NDUFA7: variants seen among roughly 807,000 people sequenced by gnomAD.
NDUFA7 encodes the protein NADH dehydrogenase [ubiquinone] 1 alpha subcomplex subunit 7.
Under a neutral mutation model 14.2 loss-of-function variants are expected in NDUFA7, and 18 were observed. That is an observed-to-expected ratio of 1.27 (90% CI 0.88 to 1.88). The LOEUF is 1.88. Among genes scored for constraint, NDUFA7 ranks in the 40% most tolerant of loss-of-function variants. The pLI is 0.00. For missense variants in NDUFA7, 172 were observed against 147.3 expected (o/e 1.17, Z -0.87); for synonymous variants, 75 against 62.1 (o/e 1.21, Z -0.98).
downstream of NDUFA7, among the ~76,000 whole-genome samples, chr19:8,310,036 C>T (rs1970156463): frequency 6.6e-6 from 1 of 152,232 alleles, no homozygotes; most frequent in African/African-American, 2.4e-5. Context: ...TGTCCTCTGC[C>T]TTCCCCGTTG....
At position 8,320,899 on chromosome 19, in the gene NDUFA7, A is replaced by G; in HGVS notation, c.59T>C (p.Leu20Pro). 1.2e-6 allele frequency: 2 copies of G among 1,613,812 alleles called. No individual in the cohort carries two copies. The highest frequency in any genetic ancestry group is 8.5e-7 in the Non-Finnish European group (1 of 1,180,012). The change falls in exon 2 of 4, where the codon CTG (leucine) becomes CCG (proline). Residue 20 changes from leucine (L) to proline (P), a missense_variant. By Grantham distance (98) the Leu-to-Pro change is moderately conservative. Transcript: ENST00000301457. ...GTAGCGTAGCTGCAGCTTCCCCTGC[A>G]GGTCATGCTGTGGGAAGAGGAGAGG... ...RLRNWASGHDLQGKLQLRYQE... is the reference protein window; with the variant it reads ...RLRNWASGHDPQGKLQLRYQE...
rs1378878959 is a variant in NDUFA7 at position 8,321,320 on chromosome 19, G to C, written c.39C>G (p.Asn13Lys). 1.9e-6 allele frequency: 3 copies of C among 1,578,402 alleles called. No individual in the cohort carries two copies. The highest frequency in any genetic ancestry group is 3.6e-5 in the Admixed American group (2 of 55,226). ...CCGCCCCGCGCACCCCGGACGCCCA[G>C]TTCCGCAGCCGCTGGATGAGACGGG... ...SATRLIQRLR[N>K]WASGHDLQGK... is the part of the protein sequence containing the mutation. The change falls in exon 1 of 4, where the codon AAC (asparagine) becomes AAG (lysine). Residue 13 changes from asparagine (N) to lysine (K), a missense_variant. Asn to Lys is a moderately conservative substitution (Grantham distance 94). Coordinates refer to ENST00000301457, the MANE Select transcript of NDUFA7 (RefSeq NM_005001.5).
Position 8,316,530 on chromosome 19 carries a change from GCGA to G in NDUFA7, c.214_216del (p.Ser72del), listed in dbSNP as rs749354422. On this transcript the variant is annotated inframe_deletion, in exon 3 of 4. Coordinates refer to ENST00000301457, the MANE Select transcript of NDUFA7 (RefSeq NM_005001.5). ...GGCTTGCCTGACACCAGCGCCTTCT[GCGA>G]CGACATGATGATGGAAGGGGGCACA... is the stretch of plus-strand genomic sequence containing the variant. 2.9e-5 allele frequency: 47 copies of G among 1,614,088 alleles called. 1 individual carries two copies. In the Admixed American group the frequency reaches 4.5e-4, roughly 15 times the overall value.
At chr19:8,315,940 G>C (rs1024648762) in intron 3 of NDUFA7, among the ~76,000 whole-genome samples, 2 of 151,704 alleles carry the variant, frequency 1.3e-5, no homozygotes, top group African/African-American at 4.8e-5. Flanking sequence ...GGATCACAAG[G>C]TCAGTTCAAG....
chr19:8,310,283 AGCTGGGCTTGTG>A (rs200339985), downstream of NDUFA7, among the ~76,000 whole-genome samples: 2,348 of 152,074 alleles, frequency 0.015, 57 homozygotes, highest in African/African-American at 0.055. Context: ...TACAAAAATT[AGCTGGGCTTGTG>A]GCAGGCGCCT....
intron 2 of NDUFA7, 172 bp from the exon 3 acceptor site, chr19:8,316,817 G>C (rs1192459056): frequency 1.4e-5 from 10 of 724,536 alleles, no homozygotes; most frequent in South Asian, 3.7e-5. Context: ...CCTGGGGAGG[G>C]GTCCTGGGGC....
In NDUFA7 at chr19:8,320,917, A is replaced by C. The variant is rs759066198; in HGVS notation, c.52-11T>G. ...CCCCTGCAGGTCATGCTGTGGGAAG[A>C]GGAGAGGAGAGGTCGGCCTGCAAGG... On this transcript the variant is annotated splice_polypyrimidine_tract_variant and intron_variant, in intron 1 of 3. Coordinates refer to ENST00000301457, the MANE Select transcript of NDUFA7 (RefSeq NM_005001.5). 3.1e-6 allele frequency: 5 copies of C among 1,613,526 alleles called. No homozygotes were observed. The highest frequency in any genetic ancestry group is 4.2e-6 in the Non-Finnish European group (5 of 1,179,972).
At chr19:8,316,343 C>T (rs1033330378) in intron 3 of NDUFA7, among the ~76,000 whole-genome samples, 153 bp downstream of exon 3, 4 of 151,972 alleles carry the variant, frequency 2.6e-5, no homozygotes, top group Non-Finnish European at 1.5e-5. Context: ...AGTAAATGAG[C>T]TCTCGGACAA....
In NDUFA7 at chr19:8,313,234, C is replaced by CT. The variant is rs1422481406; in HGVS notation, c.252-1640dup. Among the ~76,000 whole-genome samples the CT allele has an allele frequency of 0.013, 1,775 of 140,790 alleles. 94 individuals are homozygous for CT. The South Asian group carries it at 0.17, about 14-fold the overall frequency. 92.4% of individuals were successfully genotyped at this position (140,790 alleles called of 152,430 possible). ...CTGCGCCTGGCCTATTCACAGAGTT[C>CT]TTTTTTTTTTTTTTGAGACAGAGTC... On this transcript the variant is annotated intron_variant, in intron 3 of 3. Coordinates refer to ENST00000301457, the MANE Select transcript of NDUFA7 (RefSeq NM_005001.5).
intron 2 of NDUFA7, among the ~76,000 whole-genome samples, chr19:8,318,542 T>C (rs571623162): frequency 6.6e-6 from 1 of 151,834 alleles, no homozygotes; most frequent in African/African-American, 2.4e-5. Flanking sequence ...AACATGTGCC[T>C]GTAATCCCAG....
chr19:8,311,643 A>G (rs748922932), intron 3 of NDUFA7, 48 bp from the exon 4 acceptor site: 3 of 1,554,216 alleles, frequency 1.9e-6, no homozygotes, highest in Non-Finnish European at 2.6e-6. Flanking sequence ...AACAGTGTGG[A>G]AAGATCTGAG....
chr19:8,319,062 T>C (rs1009466994), intron 2 of NDUFA7, among the ~76,000 whole-genome samples: 4 of 149,310 alleles, frequency 2.7e-5, no homozygotes, highest in African/African-American at 9.9e-5. Flanking sequence ...CACAAAGCCA[T>C]TTCCTCAACT....
At chr19:8,314,838 C>A (rs1200341073) in intron 3 of NDUFA7, among the ~76,000 whole-genome samples, 3 of 152,094 alleles carry the variant, frequency 2.0e-5, no homozygotes, top group African/African-American at 7.2e-5. Flanking sequence ...GCGTGAACCC[C>A]TGGGAGGCAG....
chr19:8,321,286 C>T, intron 1 of NDUFA7, 22 bp downstream of exon 1: 1 of 1,553,644 alleles, frequency 6.4e-7, no homozygotes. Flanking sequence ...CCCCATGGTG[C>T]AGCCCTGTCC....
rs1181689742 is a variant in NDUFA7 at position 8,321,309 on chromosome 19, C to T, written c.50G>A (p.Gly17Glu). ...TGCAGCCCTGTCCGCCCCGCGCACC[C>T]CGGACGCCCAGTTCCGCAGCCGCTG... is the stretch of plus-strand genomic sequence containing the variant. ...LIQRLRNWAS[G>E]HDLQGKLQLR... Residue 17 changes from glycine to glutamate, a missense_variant and splice_region_variant, in exon 1 of 4, where the codon GGG becomes GAG. Transcript: ENST00000301457. The T allele has an allele frequency of 1.3e-6, 2 of 1,573,234 alleles. No individual in the cohort carries two copies. The highest frequency in any genetic ancestry group is 1.7e-6 in the Non-Finnish European group (2 of 1,162,736).
rs1476005178 is a variant in NDUFA7, at chr19:8,321,359, C to T, written c.-1G>A. 1.3e-6 allele frequency: 2 copies of T among 1,573,328 alleles called. No homozygotes were observed. ...GGATGAGACGGGTGGCGGACGCCATCTTCCGTCCGCGATACTGAAGGGCGC... is the reference window on the plus strand; with the variant it reads ...GGATGAGACGGGTGGCGGACGCCATTTTCCGTCCGCGATACTGAAGGGCGC... On this transcript the variant is annotated 5_prime_UTR_variant, in exon 1 of 4. Transcript: ENST00000301457.
At chr19:8,309,236 A>G (rs1271919415), downstream of NDUFA7, among the ~76,000 whole-genome samples, 1 of 152,064 alleles carries the variant, frequency 6.6e-6, no homozygotes, top group African/African-American at 2.4e-5. Flanking sequence ...GCACTTTGGG[A>G]GGCCGAGGCA....
At chr19:8,318,529 G>A (rs1004311710) in intron 2 of NDUFA7, among the ~76,000 whole-genome samples, 1 of 151,796 alleles carries the variant, frequency 6.6e-6, no homozygotes, top group African/African-American at 2.4e-5. Flanking sequence ...AGCCAGGCAC[G>A]GTAACATGTG....
intron 3 of NDUFA7, 36 bp downstream of exon 3, chr19:8,316,460 A>G (rs1054096928): frequency 6.2e-7 from 1 of 1,609,234 alleles, no homozygotes; most frequent in African/African-American, 1.3e-5. Context: ...AGGAGGGGGC[A>G]TGGGGGCTGT....
Sources: allele counts gnomAD v4.1 joint callset (sites outside exome capture counted in the v4.1 genomes callset), GRCh38; gene constraint gnomAD v4.1.1; transcripts MANE v1.5; gene names NCBI Gene and HGNC (gene_info 2026-07-23, HGNC 2026-07-21).